Variants in DDAH1 observed in about 807,000 individuals in gnomAD.
DDAH1 encodes the protein dimethylarginine dimethylaminohydrolase 1.
A neutral mutation model predicts 28.8 loss-of-function variants in DDAH1; 19 were observed. The observed-to-expected ratio is 0.66, with a 90% CI of 0.46 to 0.97. DDAH1 has a LOEUF of 0.97. DDAH1 is among the 50% of genes least tolerant of loss of function. The pLI is 0.00. For synonymous variants in DDAH1, 153 were observed against 154.4 expected (o/e 0.99, Z 0.07); for missense variants, 326 against 375.9 (o/e 0.87, Z 1.10).
intron 1 of DDAH1, chr1:85,376,973 T>C (rs181867755): frequency 6.6e-6 from 1 of 152,314 alleles, no homozygotes; most frequent in Admixed American, 6.5e-5. Flanking sequence ...TATTAAGTGA[T>C]CACCTAATGT....
At position 85,320,927 on chromosome 1, in the gene DDAH1, TTTTACCCAAGGTC is replaced by T. The variant is rs2100778901; in HGVS notation, c.*512_*524del. 6.6e-6 allele frequency: 1 copy of T among 151,912 alleles called. No individual in the cohort carries two copies. The highest frequency in any genetic ancestry group is 6.5e-5 in the Admixed American group (1 of 15,276). 9.4% of individuals were successfully genotyped at this position (151,912 alleles called of 1,614,324 possible). On this transcript the variant is annotated 3_prime_UTR_variant, in exon 6 of 6. Coordinates refer to ENST00000284031, the MANE Select transcript of DDAH1 (RefSeq NM_012137.4). ...GGTAGCCAGAAGGAAAGACCTTGGG[TTTTACCCAAGGTC>T]AAGGTGGCTGTGATAGAAGAGCGAA...
At chr1:85,483,011 G>T (rs55940591) in intron 2 of DDAH1, among the ~76,000 whole-genome samples, 15,487 of 152,130 alleles carry the variant, frequency 0.1, 1,006 homozygotes, top group Non-Finnish European at 0.15. Flanking sequence ...GATCACCTGA[G>T]GTCAGGAGTT....
intron 1 of DDAH1, among the ~76,000 whole-genome samples, chr1:85,360,133 A>G (rs1649709702): frequency 6.6e-6 from 1 of 152,230 alleles, no homozygotes; most frequent in East Asian, 1.9e-4. Context: ...ACACAAATAG[A>G]GCAGAGTTAC....
intron 1 of DDAH1, among the ~76,000 whole-genome samples, chr1:85,373,028 CTT>C (rs1275644984): frequency 6.6e-6 from 1 of 152,052 alleles, no homozygotes; most frequent in East Asian, 1.9e-4. Context: ...TCTGATGTAT[CTT>C]AACTAAATTT....
chr1:85,417,188 G>C, intron 1 of DDAH1, among the ~76,000 whole-genome samples: 1 of 152,136 alleles, frequency 6.6e-6, no homozygotes, highest in Non-Finnish European at 1.5e-5. Context: ...CTGAGACCCC[G>C]ACAGCCAAGC....
chr1:85,535,984 G>A (rs1233324354), intron 1 of DDAH1, among the ~76,000 whole-genome samples: 1 of 152,192 alleles, frequency 6.6e-6, no homozygotes, highest in East Asian at 1.9e-4. Context: ...CACGAGGCCG[G>A]GTGTGGTGGC....
At chr1:85,338,979 G>A (rs574978110) in intron 4 of DDAH1, among the ~76,000 whole-genome samples, 1 of 151,242 alleles carries the variant, frequency 6.6e-6, no homozygotes, top group South Asian at 2.1e-4. Flanking sequence ...CCTGGGAGGC[G>A]GAGGTTGCCG....
intron 1 of DDAH1, among the ~76,000 whole-genome samples, chr1:85,381,756 C>T (rs77569796): frequency 0.02 from 2,992 of 152,060 alleles, 79 homozygotes; most frequent in African/African-American, 0.059. Flanking sequence ...GTAGCAAACC[C>T]GCATCAAGCA....
chr1:85,491,043 A>ACTCTTTTTTTTTTTTTTTTTTTT lies in DDAH1; in HGVS notation c.-7+5122_-7+5123insAAAAAAAAAAAAAAAAAAAAGAG, dbSNP rs1557686884. On this transcript the variant is annotated intron_variant, in intron 2 of 6. Transcript: ENST00000426972. ...TCTTCTAATGACAACAGTAACATGTATTCTTTTTTTTTTTTTTTTTTTTGA... is the reference window on the plus strand; with the variant it reads ...TCTTCTAATGACAACAGTAACATGTACTCTTTTTTTTTTTTTTTTTTTTTTCTTTTTTTTTTTTTTTTTTTTGA... 7.6e-5 allele frequency among the ~76,000 whole-genome samples: 6 copies of ACTCTTTTTTTTTTTTTTTTTTTT among 79,340 alleles called. 3 individuals are homozygous for ACTCTTTTTTTTTTTTTTTTTTTT. The highest frequency in any genetic ancestry group is 4.7e-5 in the Non-Finnish European group (2 of 42,166). 52.1% of individuals were successfully genotyped at this position (79,340 alleles called of 152,430 possible). A position where few individuals can be genotyped will look rare whatever the true frequency, so the allele number is the denominator to read the frequency against.
chr1:85,483,097 C>T (rs1391482266), intron 2 of DDAH1, among the ~76,000 whole-genome samples: 2 of 148,570 alleles, frequency 1.3e-5, no homozygotes, highest in African/African-American at 4.9e-5. Flanking sequence ...GCCTATAGTC[C>T]CAGCTACTCG....
At chr1:85,336,527 A>C (rs775501630) in intron 4 of DDAH1, among the ~76,000 whole-genome samples, 131 of 152,244 alleles carry the variant, frequency 8.6e-4, no homozygotes, top group Non-Finnish European at 1.3e-3. Context: ...CTGTGGGATA[A>C]AGAAAAAGCA....
intron 1 of DDAH1, among the ~76,000 whole-genome samples, chr1:85,539,103 T>C (rs1658386920): frequency 6.6e-6 from 1 of 152,136 alleles, no homozygotes; most frequent in Non-Finnish European, 1.5e-5. Context: ...TTTAGTTCCA[T>C]CTCTTTCTCA....
intron 1 of DDAH1, among the ~76,000 whole-genome samples, chr1:85,374,518 C>T (rs1557543576): frequency 6.6e-6 from 1 of 152,022 alleles, no homozygotes; most frequent in Non-Finnish European, 1.5e-5. Flanking sequence ...TCTCCCTGGA[C>T]TTGAAGTGAA....
At chr1:85,576,037 T>A (rs1659591882) in intron 1 of DDAH1, 1 of 150,764 alleles carries the variant, frequency 6.6e-6, no homozygotes, top group Non-Finnish European at 1.5e-5. Context: ...GTTGTGCACA[T>A]GTACCCTAAA....
intron 1 of DDAH1, among the ~76,000 whole-genome samples, chr1:85,525,422 C>T (rs1486833656): frequency 6.6e-6 from 1 of 152,142 alleles, no homozygotes; most frequent in African/African-American, 2.4e-5. Context: ...GGAGAAACAG[C>T]AAAGGTTCAG....
intron 3 of DDAH1, 110 bp from the exon 4 acceptor site, chr1:85,350,644 A>G: frequency 7.7e-7 from 1 of 1,305,220 alleles, no homozygotes; most frequent in South Asian, 1.5e-5. Flanking sequence ...AGGGACCTTG[A>G]ATATTTGGAA....
chr1:85,324,073 C>T (rs989792967), intron 5 of DDAH1, among the ~76,000 whole-genome samples: 1 of 151,098 alleles, frequency 6.6e-6, no homozygotes, highest in Non-Finnish European at 1.5e-5. Context: ...AATTTGATAC[C>T]GGCCTGGGCA....
intron 1 of DDAH1, among the ~76,000 whole-genome samples, chr1:85,408,300 T>C (rs898960940): frequency 6.6e-6 from 1 of 152,090 alleles, no homozygotes; most frequent in African/African-American, 2.4e-5. Flanking sequence ...TTCCTTTTTT[T>C]TTTTTTATCT....
chr1:85,548,481 A>C (rs1356574198), intron 1 of DDAH1, among the ~76,000 whole-genome samples: 1 of 152,196 alleles, frequency 6.6e-6, no homozygotes, highest in Non-Finnish European at 1.5e-5. Context: ...CCATGTACAC[A>C]TGTGTAAGGG....
Sources: gnomAD v4.1 joint callset for allele counts (sites outside exome capture counted in the v4.1 genomes callset) on GRCh38, gnomAD v4.1.1 for gene constraint, MANE v1.5 for transcripts, NCBI Gene and HGNC (gene_info 2026-07-23, HGNC 2026-07-21) for gene names.